The following ZRSR2 variants were observed in gnomAD, a reference collection of about 807,000 sequenced individuals.
The protein encoded by ZRSR2 is zinc finger CCCH-type, RNA binding motif and serine/arginine rich 2.
ZRSR2 carries 3 observed loss-of-function variants against 39.4 expected under a neutral mutation model. The observed-to-expected ratio is 0.08, with a 90% CI of 0.03 to 0.20. ZRSR2 has a LOEUF of 0.20. Ranked by LOEUF, ZRSR2 falls within the 10% of genes least tolerant of loss-of-function variation. The pLI, the probability that ZRSR2 is intolerant of heterozygous loss-of-function variation, is 1.00. For missense variants in ZRSR2, 256 were observed against 391.5 expected (o/e 0.65, Z 2.92); for synonymous variants, 137 against 136.0 (o/e 1.01, Z -0.05).
At chrX:15,800,689 T>C (rs898981575) in intron 3 of ZRSR2, among the ~76,000 whole-genome samples, 1 of 112,319 alleles carries the variant, frequency 8.9e-6, no homozygotes, top group African/African-American at 3.2e-5. Flanking sequence ...TTGCTAAATA[T>C]ATAGTGCATT....
At chrX:15,808,643 C>T (rs1235462811) in intron 6 of ZRSR2, among the ~76,000 whole-genome samples, 2 of 95,147 alleles carry the variant, frequency 2.1e-5, no homozygotes, top group African/African-American at 4.0e-5. Flanking sequence ...TTTTTTGAGA[C>T]GGAGTTTTGC....
intron 3 of ZRSR2, among the ~76,000 whole-genome samples, chrX:15,800,760 G>A (rs1932647168): frequency 2.7e-5 from 3 of 112,383 alleles, no homozygotes; most frequent in Non-Finnish European, 3.8e-5. Flanking sequence ...AGTACCCACT[G>A]TACAGATGTA....
chrX:15,820,797 AAT>A (rs969266023), intron 10 of ZRSR2, among the ~76,000 whole-genome samples: 7 of 112,318 alleles, frequency 6.2e-5, no homozygotes, highest in Non-Finnish European at 1.1e-4. Flanking sequence ...TACTTGGAAT[AAT>A]ACATCCTTCT....
At chrX:15,801,395 AT>A (rs771713430) in intron 3 of ZRSR2, 155 of 293,436 alleles carry the variant, frequency 5.3e-4, no homozygotes, top group East Asian at 1.2e-3. Flanking sequence ...CACCCAGTTA[AT>A]TTTTTTTTGT....
chrX:15,803,351 G>C (rs1209043961), intron 3 of ZRSR2, among the ~76,000 whole-genome samples: 1 of 111,728 alleles, frequency 9.0e-6, no homozygotes, highest in Non-Finnish European at 1.9e-5. Context: ...TTTGAAACTT[G>C]CTACCCATTT....
intron 5 of ZRSR2, among the ~76,000 whole-genome samples, chrX:15,806,232 A>G (rs1179487742): frequency 1.2e-5 from 1 of 80,289 alleles, no homozygotes; most frequent in Non-Finnish European, 2.4e-5. Flanking sequence ...TTGCTGAGGG[A>G]GAGGGGGCAG....
chrX:15,801,779 GCTT>G (rs1932681496), intron 3 of ZRSR2: 1 of 111,844 alleles, frequency 8.9e-6, no homozygotes, highest in African/African-American at 3.2e-5. Context: ...TATTTGAAAT[GCTT>G]CTTTTAAATC....
intron 3 of ZRSR2, chrX:15,801,720 T>G (rs920516607): frequency 2.7e-5 from 3 of 112,212 alleles, no homozygotes; most frequent in African/African-American, 9.7e-5. Context: ...TCTGTTATGA[T>G]GAAGACAATA....
intron 2 of ZRSR2, among the ~76,000 whole-genome samples, chrX:15,797,688 C>G (rs1372083563): frequency 9.2e-6 from 1 of 109,242 alleles, no homozygotes; most frequent in Non-Finnish European, 1.9e-5. Flanking sequence ...CCTAAATGTT[C>G]CAGTGTGTTT....
chrX:15,796,303 A>C (rs1932457220), intron 2 of ZRSR2, among the ~76,000 whole-genome samples: 1 of 112,443 alleles, frequency 8.9e-6, no homozygotes, highest in Non-Finnish European at 1.9e-5. Context: ...AACACAGTGA[A>C]AAATACGCCA....
intron 7 of ZRSR2, 100 bp from the exon 8 acceptor site, chrX:15,815,577 G>C (rs1322228573): frequency 1.4e-6 from 1 of 729,265 alleles, no homozygotes; most frequent in African/African-American, 2.1e-5. Context: ...AAAGTGTTGG[G>C]ATTACAGGCG....
chrX:15,799,163 C>T (rs1271456585), intron 2 of ZRSR2, among the ~76,000 whole-genome samples: 2 of 93,644 alleles, frequency 2.1e-5, no homozygotes, highest in African/African-American at 8.1e-5. Flanking sequence ...TCCAGCCTGG[C>T]GACAGAGCAA....
At chrX:15,800,075 C>A in intron 3 of ZRSR2, 122 bp downstream of exon 3, 1 of 378,935 alleles carries the variant, frequency 2.6e-6, no homozygotes, top group Non-Finnish European at 4.4e-6. Context: ...TATAAAATAT[C>A]CTGTATAAAG....
intron 7 of ZRSR2, among the ~76,000 whole-genome samples, chrX:15,810,671 A>G (rs1051920940): frequency 9.2e-6 from 1 of 108,687 alleles, no homozygotes; most frequent in Non-Finnish European, 1.9e-5. Context: ...GATGCACATT[A>G]GAGTCATCTA....
intron 1 of ZRSR2, 113 bp downstream of exon 1, chrX:15,790,649 C>G: frequency 3.9e-6 from 4 of 1,020,123 alleles, no homozygotes; most frequent in Non-Finnish European, 5.3e-6. Flanking sequence ...ACCGCGGCAG[C>G]TCCATTCCTT....
At chrX:15,803,363 A>G (rs1277896112) in intron 3 of ZRSR2, among the ~76,000 whole-genome samples, 1 of 111,769 alleles carries the variant, frequency 8.9e-6, no homozygotes, top group East Asian at 2.8e-4. Flanking sequence ...TACCCATTTT[A>G]TTGTCACCTA....
chrX:15,815,741 A>G lies in ZRSR2; in HGVS notation c.622A>G (p.Thr208Ala). 8.3e-7 allele frequency: 1 copy of G among 1,210,716 alleles called. No individual in the cohort carries two copies. The highest frequency in any genetic ancestry group is 1.1e-6 in the Non-Finnish European group (1 of 894,751). Residue 208 changes from threonine (T) to alanine (A), a missense_variant, in exon 8 of 11, where the codon ACG (threonine) becomes GCG (alanine). Physicochemically the swap from Thr to Ala is moderately conservative, Grantham distance 58 (BLOSUM62 0). Transcript: ENST00000307771. ...PTLLIKSMFT[T>A]FGMEQCRRDD... ...CCTTCTTATTAAGAGCATGTTTACG[A>G]CGTTTGGAATGGAGCAGTGCAGGAG...
chrX:15,808,931 C>CT (rs1932840040), intron 6 of ZRSR2, among the ~76,000 whole-genome samples: 1 of 111,171 alleles, frequency 9.0e-6, no homozygotes, highest in Non-Finnish European at 1.9e-5. Context: ...TTCTTGGACC[C>CT]TTTTTAGAAT....
intron 2 of ZRSR2, among the ~76,000 whole-genome samples, chrX:15,796,727 G>C (rs1932473590): frequency 9.5e-6 from 1 of 105,069 alleles, no homozygotes; most frequent in Non-Finnish European, 1.9e-5. Context: ...AAATGTTTGA[G>C]ACCGAACTTC....
Sources: allele counts gnomAD v4.1 joint callset (sites outside exome capture counted in the v4.1 genomes callset), GRCh38; gene constraint gnomAD v4.1.1; transcripts MANE v1.5; gene names NCBI Gene and HGNC (gene_info 2026-07-23, HGNC 2026-07-21).